TENM2: variants seen among roughly 807,000 people sequenced by gnomAD.
TENM2 encodes the protein teneurin transmembrane protein 2.
TENM2 carries 52 observed loss-of-function variants against 245.2 expected under a neutral mutation model. The observed-to-expected ratio is 0.21, with a 90% confidence interval of 0.17 to 0.27. The LOEUF (loss-of-function observed/expected upper bound fraction) is 0.27, where lower values mean the gene tolerates loss of function less well. Among genes scored for constraint, TENM2 ranks in the 10% least tolerant of loss-of-function variants. The probability of loss-of-function intolerance (pLI) is 1.00; values close to 1 mark genes in which losing one functional copy is unlikely to be tolerated. For synonymous variants in TENM2, 1,363 were observed against 1,438.9 expected (o/e 0.95, Z 1.19); for missense variants, 3,046 against 3,666.8 (o/e 0.83, Z 4.37).
chr5:167,594,131 A>T (rs969625340), intron 2 of TENM2, among the ~76,000 whole-genome samples: 4 of 152,182 alleles, frequency 2.6e-5, no homozygotes, highest in African/African-American at 4.8e-5. Flanking sequence ...AGAAAAACTC[A>T]AATTCCTTAA....
the TENM2 span, among the ~76,000 whole-genome samples, chr5:167,156,464 T>C: frequency 6.6e-6 from 1 of 152,194 alleles, no homozygotes; most frequent in Admixed American, 6.5e-5. Context: ...TAATCTGTAA[T>C]GGGAATGACC....
chr5:166,980,545 T>G, the TENM2 span, among the ~76,000 whole-genome samples: 1 of 152,216 alleles, frequency 6.6e-6, no homozygotes. Flanking sequence ...TTTGGAGGGT[T>G]CTTGATCATT....
intron 2 of TENM2, among the ~76,000 whole-genome samples, chr5:167,611,457 C>G (rs1777472656): frequency 6.6e-6 from 1 of 152,014 alleles, no homozygotes; most frequent in African/African-American, 2.4e-5. Flanking sequence ...CTGCATCCCT[C>G]CGTGGACCCC....
At chr5:167,437,860 A>G (rs1351066933) in intron 2 of TENM2, among the ~76,000 whole-genome samples, 5 of 152,170 alleles carry the variant, frequency 3.3e-5, no homozygotes, top group South Asian at 4.1e-4. Flanking sequence ...AGGCCTCCGC[A>G]GCCACGTGGA....
chr5:167,672,380 C>T (rs1038296990), intron 2 of TENM2, among the ~76,000 whole-genome samples: 2 of 151,824 alleles, frequency 1.3e-5, no homozygotes, highest in African/African-American at 4.8e-5. Context: ...TAATATATAA[C>T]ATTAATGAAA....
intron 19 of TENM2, among the ~76,000 whole-genome samples, chr5:168,209,312 C>G (rs1762612307): frequency 6.6e-6 from 1 of 152,170 alleles, no homozygotes; most frequent in African/African-American, 2.4e-5. Context: ...TGCTCATTAA[C>G]CAGTTTGTCA....
chr5:167,933,336 T>G (rs1056856298), intron 3 of TENM2, among the ~76,000 whole-genome samples: 1 of 151,874 alleles, frequency 6.6e-6, no homozygotes, highest in Non-Finnish European at 1.5e-5. Flanking sequence ...TGGTAAGGAG[T>G]GTGTGATGTT....
the TENM2 span, among the ~76,000 whole-genome samples, chr5:167,095,811 T>C: frequency 6.6e-6 from 1 of 150,474 alleles, no homozygotes; most frequent in East Asian, 2.0e-4. Context: ...GCTCTTGTTG[T>C]CCAGACTGGA....
At chr5:167,655,226 A>C (rs1754764710) in intron 2 of TENM2, among the ~76,000 whole-genome samples, 1 of 152,208 alleles carries the variant, frequency 6.6e-6, no homozygotes. Flanking sequence ...GACAGGAAGC[A>C]AGACAGCTCC....
At chr5:167,670,056 A>T (rs1250948942) in intron 2 of TENM2, among the ~76,000 whole-genome samples, 1 of 152,266 alleles carries the variant, frequency 6.6e-6, no homozygotes, top group Non-Finnish European at 1.5e-5. Context: ...AACAGATGAC[A>T]TTATTTTTTA....
chr5:167,050,975 G>T, the TENM2 span, among the ~76,000 whole-genome samples: 1 of 152,054 alleles, frequency 6.6e-6, no homozygotes, highest in African/African-American at 2.4e-5. Flanking sequence ...GTTTTCCCTT[G>T]TCTAAAACAC....
At chr5:167,783,827 G>A (rs945635577) in intron 2 of TENM2, among the ~76,000 whole-genome samples, 1 of 152,104 alleles carries the variant, frequency 6.6e-6, no homozygotes, top group Non-Finnish European at 1.5e-5. Context: ...CAGGGTGCGT[G>A]TCTCTCCCCA....
In TENM2 at chr5:167,540,301, G is replaced by A. The variant is rs1487295869; in HGVS notation, c.502+164828G>A. Among the ~76,000 whole-genome samples the A allele has an allele frequency of 6.6e-5, 10 of 152,084 alleles. No homozygotes were observed. The South Asian group carries it at 1.9e-3, about 28-fold the overall frequency. ...CAGCTCCTGATTTGCAGACACTTAG[G>A]GAATTACCATAGGGGATCAAAATCC... On this transcript the variant is annotated intron_variant, in intron 2 of 28. Transcript: ENST00000518659.
intron 2 of TENM2, among the ~76,000 whole-genome samples, chr5:167,841,690 C>T (rs904768269): frequency 2.0e-5 from 3 of 152,128 alleles, no homozygotes; most frequent in African/African-American, 7.2e-5. Context: ...ATTGTCTAGT[C>T]CTTGGTCTAT....
At position 168,155,403 on chromosome 5, in the gene TENM2, AGGG is replaced by A. The variant is rs5873092; in HGVS notation, c.2423-7199_2423-7197del. Among the ~76,000 whole-genome samples the A allele has an allele frequency of 5.7e-3, 829 of 146,436 alleles. 16 individuals carry two copies. The highest frequency in any genetic ancestry group is 0.021 in the Middle Eastern group (6 of 284). On this transcript the variant is annotated intron_variant, in intron 12 of 28. Coordinates refer to ENST00000518659, the Ensembl canonical transcript of TENM2. Reference sequence around the variant, plus strand: ...AGTGATATTTAAAACAGTTGGTGAAAGGGGGGGGGGGTCCATAATTAAGTTAAT... The same window carrying A: ...AGTGATATTTAAAACAGTTGGTGAAAGGGGGGGGTCCATAATTAAGTTAAT...
intron 4 of TENM2, among the ~76,000 whole-genome samples, chr5:167,964,301 G>C (rs1237844535): frequency 6.6e-6 from 1 of 152,182 alleles, no homozygotes; most frequent in East Asian, 1.9e-4. Context: ...GCTGAAGCAA[G>C]CGTCTCTCTT....
chr5:167,694,535 C>T (rs569798725), intron 2 of TENM2, among the ~76,000 whole-genome samples: 155 of 152,262 alleles, frequency 1.0e-3, no homozygotes, highest in Non-Finnish European at 1.9e-3. Flanking sequence ...TTAAAACAGT[C>T]ATGTTTTCAT....
intron 3 of TENM2, among the ~76,000 whole-genome samples, chr5:167,909,763 C>T (rs906214033): frequency 1.3e-5 from 2 of 152,062 alleles, no homozygotes; most frequent in Non-Finnish European, 2.9e-5. Flanking sequence ...AAATTTTGAA[C>T]AAGTAGTTTT....
intron 6 of TENM2, among the ~76,000 whole-genome samples, chr5:168,057,253 A>C (rs556215659): frequency 1.2e-4 from 18 of 151,878 alleles, no homozygotes; most frequent in Admixed American, 2.6e-4. Flanking sequence ...CAAGCCTAAA[A>C]GCTTTCTAAT....
Sources: gnomAD v4.1 joint callset for allele counts (sites outside exome capture counted in the v4.1 genomes callset) on GRCh38, gnomAD v4.1.1 for gene constraint, MANE v1.5 for transcripts, NCBI Gene and HGNC (gene_info 2026-07-23, HGNC 2026-07-21) for gene names.